The following ERP44 variants were observed in gnomAD, a reference collection of about 807,000 sequenced individuals.
ERP44 encodes the protein endoplasmic reticulum protein 44.
In ERP44, 25 loss-of-function variants were observed where a neutral mutation model predicts 53.4. The ratio of observed to expected loss-of-function variants is 0.47; its 90% CI spans 0.34 to 0.65. ERP44 has a LOEUF of 0.65. Ranked by LOEUF, ERP44 falls within the 30% of genes least tolerant of loss-of-function variation. ERP44 has a pLI of 0.01. For synonymous variants in ERP44, 145 were observed against 161.2 expected, an observed-to-expected ratio of 0.90 and a Z score of 0.76; for missense variants, 338 against 493.2, an observed-to-expected ratio of 0.69 and a Z score of 2.98.
chr9:100,023,429 TTC>T (rs1413084070), intron 4 of ERP44, among the ~76,000 whole-genome samples: 2 of 124,484 alleles, frequency 1.6e-5, no homozygotes, highest in East Asian at 4.2e-4. Flanking sequence ...AAACTTTGAT[TTC>T]TTTTTTTTTT....
chr9:100,080,567 G>A, intron 1 of ERP44, among the ~76,000 whole-genome samples: 1 of 151,864 alleles, frequency 6.6e-6, no homozygotes, highest in East Asian at 1.9e-4. Flanking sequence ...AGTATAAAAA[G>A]TACATAATAT....
chr9:100,087,537 T>C (rs557530042), intron 1 of ERP44, among the ~76,000 whole-genome samples: 2 of 152,336 alleles, frequency 1.3e-5, no homozygotes, highest in East Asian at 3.9e-4. Flanking sequence ...AGAGTTTAGT[T>C]TCTTATAATG....
At chr9:100,076,268 G>A (rs979760359) in intron 1 of ERP44, among the ~76,000 whole-genome samples, 5 of 152,134 alleles carry the variant, frequency 3.3e-5, no homozygotes, top group Admixed American at 2.0e-4. Flanking sequence ...ATACACGATC[G>A]GGCTCAAGCA....
At chr9:99,997,010 T>TAC (rs1554706068) in intron 10 of ERP44, among the ~76,000 whole-genome samples, 4 of 151,310 alleles carry the variant, frequency 2.6e-5, no homozygotes, top group African/African-American at 9.7e-5. Context: ...TATATATATA[T>TAC]GCACATATAC....
At chr9:100,075,836 A>T (rs1022422808) in intron 1 of ERP44, among the ~76,000 whole-genome samples, 2 of 152,166 alleles carry the variant, frequency 1.3e-5, no homozygotes, top group Admixed American at 6.5e-5. Context: ...CGAGTGACTC[A>T]AAAGGTTGCG....
chr9:99,983,127 A>G (rs948614706), intron 11 of ERP44, among the ~76,000 whole-genome samples: 2 of 152,232 alleles, frequency 1.3e-5, no homozygotes, highest in Non-Finnish European at 2.9e-5. Flanking sequence ...GTTATCAATT[A>G]CCAGGATACC....
At chr9:100,042,206 CTA>C (rs1206534883) in intron 4 of ERP44, among the ~76,000 whole-genome samples, 2 of 152,110 alleles carry the variant, frequency 1.3e-5, no homozygotes, top group Non-Finnish European at 2.9e-5. Flanking sequence ...TCAAACAACT[CTA>C]TACTCAAAAA....
intron 10 of ERP44, among the ~76,000 whole-genome samples, chr9:99,986,295 T>A (rs1830195093): frequency 6.6e-6 from 1 of 152,230 alleles, no homozygotes; most frequent in South Asian, 2.1e-4. Context: ...TTTGCTAATT[T>A]GATAAGTAAA....
chr9:100,083,036 C>T (rs1380650620), intron 1 of ERP44, among the ~76,000 whole-genome samples: 1 of 151,710 alleles, frequency 6.6e-6, no homozygotes, highest in Admixed American at 6.6e-5. Flanking sequence ...ACACTTACTA[C>T]ACAAAACCAC....
chr9:100,021,587 T>C (rs1048086382), intron 5 of ERP44, among the ~76,000 whole-genome samples: 1 of 152,158 alleles, frequency 6.6e-6, no homozygotes, highest in African/African-American at 2.4e-5. Context: ...TGTTGTTTGT[T>C]ATCTTTAAAA....
At chr9:99,996,940 CATAT>C (rs1830316124) in intron 10 of ERP44, among the ~76,000 whole-genome samples, 1 of 88,170 alleles carries the variant, frequency 1.1e-5, no homozygotes, top group Non-Finnish European at 2.2e-5. Context: ...TATACACATA[CATAT>C]ACACACACAC....
intron 4 of ERP44, among the ~76,000 whole-genome samples, chr9:100,025,420 C>T (rs1376822082): frequency 2.6e-5 from 4 of 152,066 alleles, no homozygotes; most frequent in Non-Finnish European, 4.4e-5. Flanking sequence ...AAGGATAATA[C>T]ATCACAATAA....
chr9:100,063,509 T>C (rs1826178433), intron 1 of ERP44, among the ~76,000 whole-genome samples: 1 of 152,202 alleles, frequency 6.6e-6, no homozygotes, highest in Non-Finnish European at 1.5e-5. Flanking sequence ...CGGGAAAACA[T>C]CTTCATGTGT....
intron 3 of ERP44, among the ~76,000 whole-genome samples, chr9:100,057,561 G>T (rs765215650): frequency 4.6e-5 from 7 of 152,172 alleles, no homozygotes; most frequent in Non-Finnish European, 8.8e-5. Context: ...TTCCCTTTGA[G>T]TCGGGGGTGG....
At chr9:100,093,822 T>C (rs985313602) in intron 1 of ERP44, among the ~76,000 whole-genome samples, 3 of 152,144 alleles carry the variant, frequency 2.0e-5, no homozygotes, top group Non-Finnish European at 2.9e-5. Flanking sequence ...CAAATTAAAA[T>C]ACATTGAGAT....
intron 1 of ERP44, among the ~76,000 whole-genome samples, chr9:100,079,097 G>C (rs1011113945): frequency 6.6e-6 from 1 of 152,166 alleles, no homozygotes; most frequent in African/African-American, 2.4e-5. Flanking sequence ...CTGTGATGGT[G>C]TTGCCAAAGG....
intron 1 of ERP44, among the ~76,000 whole-genome samples, chr9:100,077,473 A>G (rs1456438678): frequency 6.6e-6 from 1 of 152,202 alleles, no homozygotes; most frequent in African/African-American, 2.4e-5. Context: ...TCAACATCCA[A>G]TATATGGTAC....
At chr9:100,030,661 C>A (rs1340361372) in intron 4 of ERP44, among the ~76,000 whole-genome samples, 2 of 152,188 alleles carry the variant, frequency 1.3e-5, no homozygotes, top group Non-Finnish European at 2.9e-5. Context: ...GCCTTGTACT[C>A]TTCGCTGACA....
chr9:100,031,008 T>C (rs1825780825), intron 4 of ERP44, among the ~76,000 whole-genome samples: 1 of 152,194 alleles, frequency 6.6e-6, no homozygotes, highest in Non-Finnish European at 1.5e-5. Flanking sequence ...CCATATTGCA[T>C]ACTAAGCAGA....
Sources: gnomAD v4.1 joint callset for allele counts (sites outside exome capture counted in the v4.1 genomes callset) on GRCh38, gnomAD v4.1.1 for gene constraint, MANE v1.5 for transcripts, NCBI Gene and HGNC (gene_info 2026-07-23, HGNC 2026-07-21) for gene names.